The following MICALL1 variants were observed in gnomAD, a reference collection of about 807,000 sequenced individuals.
MICALL1 encodes MICAL-like protein 1.
Under a neutral mutation model 83.7 loss-of-function variants are expected in MICALL1, and 61 were observed. The observed-to-expected ratio is 0.73, with a 90% confidence interval of 0.59 to 0.90. The LOEUF is 0.90. Among genes scored for constraint, MICALL1 ranks in the 40% least tolerant of loss-of-function variants. The probability of loss-of-function intolerance (pLI) is 0.00; values close to 1 mark genes in which losing one functional copy is unlikely to be tolerated. For missense variants in MICALL1, 1,066 were observed against 1,152.0 expected (o/e 0.93, Z 1.08); for synonymous variants, 481 against 473.6 (o/e 1.02, Z -0.20).
At chr22:37,912,041 A>ATGTGTGTGTG (rs3041723) in intron 2 of MICALL1, 41 bp downstream of exon 2, 10 of 1,517,650 alleles carry the variant, frequency 6.6e-6, no homozygotes, top group Non-Finnish European at 8.2e-6. Flanking sequence ...GGCTCTGTGT[A>ATGTGTGTGTG]TGTGTGTGTG....
rs776076385 is a variant in MICALL1, at chr22:37,922,253, C to T, written c.851C>T (p.Pro284Leu). 6.3e-6 allele frequency: 10 copies of T among 1,594,788 alleles called. No homozygotes were observed. The highest frequency in any genetic ancestry group is 8.5e-6 in the Non-Finnish European group (10 of 1,171,142). The change falls in exon 6 of 16, where the codon CCC becomes CTC. Residue 284 changes from proline (P) to leucine (L), a missense_variant. Pro to Leu is a moderately conservative substitution (Grantham distance 98). Coordinates refer to ENST00000215957, the MANE Select transcript of MICALL1 (RefSeq NM_033386.4). ...PEARPQIPTK[P>L]RVPGKLQELA... is the part of the protein sequence containing the mutation. ...GCCCGGCCGCAGATCCCTACCAAGCCCCGGGTTCCTGGCAAACTACAGGAG... is the reference window on the plus strand; with the variant it reads ...GCCCGGCCGCAGATCCCTACCAAGCTCCGGGTTCCTGGCAAACTACAGGAG...
chr22:37,933,603 G>T (rs1254774922), intron 13 of MICALL1, among the ~76,000 whole-genome samples: 2 of 152,154 alleles, frequency 1.3e-5, no homozygotes, highest in African/African-American at 4.8e-5. Flanking sequence ...CCCTCTGAAG[G>T]GCTGATGGCT....
At position 37,914,615 on chromosome 22, in the gene MICALL1, GCA is replaced by G. The variant is rs750415790; in HGVS notation, c.337+2137_337+2138del. 4.4e-4 allele frequency among the ~76,000 whole-genome samples: 66 copies of G among 149,752 alleles called. 1 individual carries two copies. The highest frequency in any genetic ancestry group is 2.4e-3 in the Admixed American group (36 of 14,986). On this transcript the variant is annotated intron_variant, in intron 3 of 15. Coordinates refer to ENST00000215957, the MANE Select transcript of MICALL1 (RefSeq NM_033386.4). ...ATATTATGTGTATATATGCGTGCGCGCACACACACACACACGCACATATATGT... is the reference window on the plus strand; with the variant it reads ...ATATTATGTGTATATATGCGTGCGCGCACACACACACACGCACATATATGT...
chr22:37,927,858 C>T lies in MICALL1; in HGVS notation c.1881+32C>T, dbSNP rs1370876851. The stretch of plus-strand genomic sequence containing the variant: ...GCCCCCTCACCCTCACTAAAAGTGA[C>T]ATCCTCTCTAGTGGATGCGGGTCTG... On this transcript the variant is annotated intron_variant, in intron 9 of 15. Transcript: ENST00000215957. 3 of 1,568,174 alleles carry T rather than the reference C, an allele frequency of 1.9e-6. No individual in the cohort carries two copies. In the East Asian group the frequency reaches 6.8e-5, roughly 35 times the overall value.
rs1333072500 is a variant in MICALL1, at chr22:37,927,577, C to G, written c.1632C>G (p.Ala544=). ...GCTCCTCAGAGCCTGCTGTCCATGC[C>G]CCTGGTACCCCTGGAAACCCTGTCA... ...PKSSSEPAVH[A]PGTPGNPVSL... The change falls in exon 9 of 16, where the codon GCC becomes GCG. Residue 544 remains alanine, a synonymous_variant. Transcript: ENST00000215957. 2.5e-6 allele frequency: 4 copies of G among 1,613,452 alleles called. No individual in the cohort carries two copies. The Admixed American group carries it at 6.7e-5, about 27-fold the overall frequency.
At chr22:37,912,209 TG>T (rs1248912421) in intron 2 of MICALL1, 141 bp from the exon 3 acceptor site, 4 of 1,162,584 alleles carry the variant, frequency 3.4e-6, no homozygotes, top group Non-Finnish European at 4.9e-6. Context: ...CTGTGGTGCT[TG>T]GGTGGGATTA....
chr22:37,922,808 T>G (rs1484345211), intron 6 of MICALL1, among the ~76,000 whole-genome samples: 4 of 141,322 alleles, frequency 2.8e-5, no homozygotes, highest in Admixed American at 7.0e-5. Context: ...TTTTTTTTTT[T>G]TTTTTTTTTA....
intron 15 of MICALL1, among the ~76,000 whole-genome samples, chr22:37,938,444 T>C (rs1167510062): frequency 1.3e-5 from 2 of 149,704 alleles, no homozygotes; most frequent in African/African-American, 4.9e-5. Flanking sequence ...AGTCAAAGGA[T>C]TTTTTTTCTT....
At chr22:37,917,611 T>C in intron 3 of MICALL1, 96 bp from the exon 4 acceptor site, 1 of 1,111,552 alleles carries the variant, frequency 9.0e-7, no homozygotes, top group Non-Finnish European at 1.4e-6. Flanking sequence ...TGCCTTTAGG[T>C]GATGGCTACA....
In MICALL1 at chr22:37,931,671, G is replaced by C; in HGVS notation, c.1882-128G>C. The C allele has an allele frequency of 2.8e-6, 3 of 1,088,526 alleles. No individual in the cohort carries two copies. In the Admixed American group the frequency reaches 6.7e-5, roughly 24 times the overall value. The allele number at this position is 1,088,526 out of a possible 1,614,324, so 67.4% of individuals were successfully genotyped here. A position where few individuals can be genotyped will look rare whatever the true frequency, so the allele number is the denominator to read the frequency against. On this transcript the variant is annotated intron_variant, in intron 9 of 15. Transcript: ENST00000215957. The stretch of plus-strand genomic sequence containing the variant: ...ATCAGAGACGGAATTCAAGGAGACT[G>C]TCTCTTTGCCTGGGTCCTGCTGGCC...
At chr22:37,918,404 C>G (rs1928809210) in intron 4 of MICALL1, among the ~76,000 whole-genome samples, 1 of 152,208 alleles carries the variant, frequency 6.6e-6, no homozygotes, top group Non-Finnish European at 1.5e-5. Context: ...TGTAAAGGGC[C>G]TTCCCCTCCT....
In MICALL1 at chr22:37,912,602, G is replaced by A. The variant is rs1356430786; in HGVS notation, c.337+110G>A. 1.5e-5 allele frequency: 15 copies of A among 999,592 alleles called. No individual in the cohort carries two copies. The East Asian group carries it at 4.1e-4, about 28-fold the overall frequency. The allele number at this position is 999,592 out of a possible 1,614,324, so 61.9% of individuals were successfully genotyped here. On this transcript the variant is annotated intron_variant, in intron 3 of 15. Transcript: ENST00000215957. ...TTGTAAACAGGCTGCTGAGGAGTGT[G>A]TCATTCATTTACTTATTCATTAATT...
rs746176046 is a variant in MICALL1 at position 37,932,701 on chromosome 22, C to A, written c.2143+22C>A. ...AATGGTGCGGGAGCGGCTGGGAGGG[C>A]CTGCTGGGTGGGGCTGGGGGCAGGA... On this transcript the variant is annotated intron_variant, in intron 11 of 15. Coordinates refer to ENST00000215957, the MANE Select transcript of MICALL1 (RefSeq NM_033386.4). The surrounding 1 kb of genome is among the most constrained non-coding windows in gnomAD (Gnocchi z 4.4). The A allele has an allele frequency of 6.2e-7, 1 of 1,611,626 alleles. No homozygotes were observed.
Position 37,937,163 on chromosome 22 carries a change from AT to A in MICALL1, c.2393del (p.Ile798ThrfsTer22), listed in dbSNP as rs1268661359. On this transcript the variant is annotated frameshift_variant, in exon 14 of 16. Transcript: ENST00000215957. LOFTEE classifies it high-confidence loss of function. ...LVTLIEQRNA[I>X]INCLDEDRQR... ...GACCCTCATTGAGCAGCGCAACGCT[AT>A]CATCAACTGCCTGGATGAGGACCGG... 6.4e-7 allele frequency: 1 copy of A among 1,551,040 alleles called. No individual in the cohort carries two copies. Among genetic ancestry groups the A allele is most frequent in the Non-Finnish European group, 8.7e-7 (1 of 1,146,784 alleles).
intron 5 of MICALL1, among the ~76,000 whole-genome samples, chr22:37,921,370 C>A (rs1485424226): frequency 6.6e-6 from 1 of 152,062 alleles, no homozygotes; most frequent in Non-Finnish European, 1.5e-5. Context: ...GAGTTTGAGA[C>A]CAGCCTGGCC....
intron 4 of MICALL1, among the ~76,000 whole-genome samples, chr22:37,918,454 G>C (rs946414421): frequency 6.6e-6 from 1 of 152,208 alleles, no homozygotes; most frequent in African/African-American, 2.4e-5. Flanking sequence ...TAGCCCCAGG[G>C]TGGGTGCTCC....
In MICALL1 at chr22:37,941,091, G is replaced by A. The variant is rs762897847; in HGVS notation, c.*261G>A. ...TTCTGATGACTGCGGATGCTGTGAC[G>A]GACCCAAGGGGCAAATAGGGTCCCA... On this transcript the variant is annotated 3_prime_UTR_variant, in exon 16 of 16. Coordinates refer to ENST00000215957, the MANE Select transcript of MICALL1 (RefSeq NM_033386.4). 9 of 372,356 alleles carry A rather than the reference G, an allele frequency of 2.4e-5. No individual in the cohort carries two copies. Among genetic ancestry groups the A allele is most frequent in the South Asian group, 1.1e-4 (4 of 35,070 alleles). 23.1% of individuals were successfully genotyped at this position (372,356 alleles called of 1,614,324 possible).
chr22:37,916,065 C>T (rs997541511), intron 3 of MICALL1, among the ~76,000 whole-genome samples: 1 of 150,908 alleles, frequency 6.6e-6, no homozygotes, highest in African/African-American at 2.4e-5. Context: ...TCTCTCTCTA[C>T]TGAGCTCATC....
At position 37,932,634 on chromosome 22, in the gene MICALL1, C is replaced by A. The variant is rs1929853994; in HGVS notation, c.2098C>A (p.His700Asn). The stretch of plus-strand genomic sequence containing the variant: ...TGAGCGCCGGCTGGATGCCCTGGAG[C>A]ACCGTGGGGTGCTGCTGGAGGAGAA... ...TIERRLDALE[H>N]RGVLLEEKLR... Residue 700 changes from histidine (H) to asparagine (N), a missense_variant, in exon 11 of 16, where the codon CAC becomes AAC. His to Asn is a moderately conservative substitution (Grantham distance 68, BLOSUM62 1). Transcript: ENST00000215957. The surrounding 1 kb of genome is among the most constrained non-coding windows in gnomAD (Gnocchi z 4.4). The A allele has an allele frequency of 6.2e-7, 1 of 1,614,002 alleles. No homozygotes were observed. The highest frequency in any genetic ancestry group is 1.7e-5 in the Admixed American group (1 of 60,006).
Sources: gnomAD v4.1 joint callset for allele counts (sites outside exome capture counted in the v4.1 genomes callset) on GRCh38, gnomAD v4.1.1 for gene constraint, Gnocchi (gnomAD v3.1) non-coding constraint, MANE v1.5 for transcripts, NCBI Gene and HGNC (gene_info 2026-07-23, HGNC 2026-07-21) for gene names.